Variants in CHODL observed in about 807,000 individuals in gnomAD.
CHODL encodes the protein transmembrane protein MT75.
In CHODL, 29 loss-of-function variants were observed where a neutral mutation model predicts 34.5. That is an observed-to-expected ratio of 0.84 (90% confidence interval 0.63 to 1.15). The LOEUF is 1.15. Ranked by LOEUF, CHODL falls within the 50% of genes most tolerant of loss-of-function variation. CHODL has a pLI of 0.00. For missense variants in CHODL, 332 were observed against 332.5 expected (o/e 1.00, Z 0.01); for synonymous variants, 125 against 116.1 (o/e 1.08, Z -0.49).
At chr21:18,247,716 A>G (rs1186523247) in intron 1 of CHODL, among the ~76,000 whole-genome samples, 1 of 152,098 alleles carries the variant, frequency 6.6e-6, no homozygotes, top group Non-Finnish European at 1.5e-5. Context: ...ATCAAAGCCT[A>G]TTTATTGAAT....
chr21:18,198,824 A>G (rs553858482), intron 2 of CHODL, among the ~76,000 whole-genome samples: 17 of 152,276 alleles, frequency 1.1e-4, no homozygotes, highest in Non-Finnish European at 2.4e-4. Context: ...GCCATGTTGT[A>G]TGACCACCCA....
chr21:17,977,735 G>A lies in CHODL; in HGVS notation c.-144-50137G>A, dbSNP rs201843437. Among the ~76,000 whole-genome samples the A allele has an allele frequency of 9.2e-4, 138 of 149,430 alleles. 2 individuals are homozygous for A. The East Asian group carries it at 0.02, about 22-fold the overall frequency. ...AGATCGAGACCATCCTGGCCAACATGGTGAAACTCTGTCTCTACTAAAAAT... is the reference window on the plus strand; with the variant it reads ...AGATCGAGACCATCCTGGCCAACATAGTGAAACTCTGTCTCTACTAAAAAT... On this transcript the variant is annotated intron_variant, in intron 1 of 6. Transcript: ENST00000400127.
At chr21:17,991,270 G>T (rs1406577740) in intron 1 of CHODL, among the ~76,000 whole-genome samples, 1 of 152,034 alleles carries the variant, frequency 6.6e-6, no homozygotes. Flanking sequence ...AAATGCTGGG[G>T]TGCAGGTATA....
rs559860054 is a variant in CHODL, at chr21:18,074,533, G to A, written c.-45+46562G>A. 4.0e-4 allele frequency among the ~76,000 whole-genome samples: 61 copies of A among 152,252 alleles called. 1 individual carries two copies. The South Asian group carries it at 4.8e-3, about 12-fold the overall frequency. ...ATAGATGATATAGAGAGGGATGGAT[G>A]CATTGTATTTTCCCCTGTGCTTTTA... On this transcript the variant is annotated intron_variant, in intron 2 of 6. Coordinates refer to the CHODL transcript ENST00000400127.
intron 2 of CHODL, among the ~76,000 whole-genome samples, chr21:18,031,467 G>A (rs773291211): frequency 6.6e-6 from 1 of 152,064 alleles, no homozygotes. Context: ...AGAAATTGGG[G>A]TAATTTTATC....
Position 18,170,616 on chromosome 21 carries a change from ACT to A in CHODL, c.-44-85890_-44-85889del, listed in dbSNP as rs146643775. Reference sequence around the variant, plus strand: ...TACAATTAACGTCTTAATTTATAACACTCTATTTCAGTTAATACCAACTTAAT... The same window carrying A: ...TACAATTAACGTCTTAATTTATAACACTATTTCAGTTAATACCAACTTAAT... On this transcript the variant is annotated intron_variant, in intron 2 of 6. Coordinates refer to the CHODL transcript ENST00000400127. Among the ~76,000 whole-genome samples, 1,036 of 152,094 alleles carry A rather than the reference ACT, an allele frequency of 6.8e-3. 10 individuals carry two copies. The highest frequency in any genetic ancestry group is 0.024 in the African/African-American group (996 of 41,504).
At chr21:18,241,723 T>C (rs1021753574), upstream of CHODL, among the ~76,000 whole-genome samples, 1 of 152,118 alleles carries the variant, frequency 6.6e-6, no homozygotes, top group Non-Finnish European at 1.5e-5. Context: ...AGTGAAGGAG[T>C]TCGTGATATA....
intron 1 of CHODL, among the ~76,000 whole-genome samples, chr21:18,002,919 C>G (rs1001224309): frequency 9.2e-5 from 14 of 152,058 alleles, no homozygotes; most frequent in African/African-American, 1.9e-4. Context: ...GTCAGGAGAT[C>G]GAGACCATCC....
Position 17,967,392 on chromosome 21 carries a change from C to T in CHODL, c.-145+49992C>T, listed in dbSNP as rs890532665. Among the ~76,000 whole-genome samples the T allele has an allele frequency of 5.9e-5, 9 of 152,116 alleles. 1 individual carries two copies. The highest frequency in any genetic ancestry group is 2.2e-4 in the African/African-American group (9 of 41,420). On this transcript the variant is annotated intron_variant, in intron 1 of 6. Coordinates refer to the CHODL transcript ENST00000400127. ...ATATCCTTTTACTTAAAAACACATT[C>T]TTTTTCTTTCTGGCATCCCTATGAT...
At chr21:18,103,540 C>A (rs2146548261) in intron 2 of CHODL, among the ~76,000 whole-genome samples, 1 of 152,224 alleles carries the variant, frequency 6.6e-6, no homozygotes, top group African/African-American at 2.4e-5. Context: ...ATTCAAATGG[C>A]ATAGCTGGTG....
At chr21:18,002,194 A>G (rs1260995665) in intron 1 of CHODL, among the ~76,000 whole-genome samples, 1 of 152,178 alleles carries the variant, frequency 6.6e-6, no homozygotes, top group South Asian at 2.1e-4. Flanking sequence ...GATTCTATCC[A>G]CTTGTTTTAT....
At chr21:17,982,198 C>A (rs1402621767) in intron 1 of CHODL, among the ~76,000 whole-genome samples, 1 of 152,168 alleles carries the variant, frequency 6.6e-6, no homozygotes, top group Non-Finnish European at 1.5e-5. Flanking sequence ...TGAGTATGCA[C>A]ATGTTTCTTT....
intron 2 of CHODL, among the ~76,000 whole-genome samples, chr21:18,204,360 A>G (rs1198129321): frequency 1.3e-5 from 2 of 152,168 alleles, no homozygotes; most frequent in East Asian, 3.8e-4. Flanking sequence ...ATCTCGAAGC[A>G]TCTCTGCAGC....
intron 2 of CHODL, among the ~76,000 whole-genome samples, chr21:18,193,050 G>A (rs369169815): frequency 2.6e-5 from 4 of 152,038 alleles, no homozygotes; most frequent in Admixed American, 6.6e-5. Context: ...TTAGGTCTAC[G>A]TAGATACACT....
rs560940262 is a variant in CHODL at position 18,177,879 on chromosome 21, T to TCAA, written c.-44-78628_-44-78626dup. Among the ~76,000 whole-genome samples the TCAA allele has an allele frequency of 2.8e-3, 423 of 152,292 alleles. 2 individuals carry two copies. Among genetic ancestry groups the TCAA allele is most frequent in the African/African-American group, 9.5e-3 (395 of 41,574 alleles). ...TTTTCAGGAATAAACTTGAGTTTAT[T>TCAA]CAACTGGTTTAGAATAAACAAATTT... is the stretch of plus-strand genomic sequence containing the variant. On this transcript the variant is annotated intron_variant, in intron 2 of 6. Transcript: ENST00000400127.
intron 2 of CHODL, among the ~76,000 whole-genome samples, chr21:18,236,507 T>C (rs1023079448): frequency 2.0e-5 from 3 of 152,080 alleles, no homozygotes; most frequent in Non-Finnish European, 4.4e-5. Flanking sequence ...GTTCTATGAA[T>C]CCTAAGAATT....
At chr21:18,259,113 A>G (rs1212481235) in intron 3 of CHODL, among the ~76,000 whole-genome samples, 1 of 152,128 alleles carries the variant, frequency 6.6e-6, no homozygotes, top group East Asian at 1.9e-4. Flanking sequence ...ATTTTAAGGC[A>G]ATGTAAGAAT....
At chr21:17,923,031 A>C (rs904573591) in intron 1 of CHODL, among the ~76,000 whole-genome samples, 7 of 152,152 alleles carry the variant, frequency 4.6e-5, no homozygotes, top group African/African-American at 1.7e-4. Context: ...TCATAGGTAG[A>C]TAAGAAACAA....
chr21:17,993,526 G>A (rs1180505912), intron 1 of CHODL, among the ~76,000 whole-genome samples: 1 of 152,160 alleles, frequency 6.6e-6, no homozygotes, highest in African/African-American at 2.4e-5. Flanking sequence ...GTGCCATCAT[G>A]TTCCTGCAAA....
Sources: allele counts gnomAD v4.1 joint callset (sites outside exome capture counted in the v4.1 genomes callset), GRCh38; gene constraint gnomAD v4.1.1; transcripts MANE v1.5; gene names NCBI Gene and HGNC (gene_info 2026-07-23, HGNC 2026-07-21).